The following ANKFN1 variants were observed in gnomAD, a reference collection of about 807,000 sequenced individuals.
The protein encoded by ANKFN1 is ankyrin repeat and fibronectin type-III domain-containing protein 1.
In ANKFN1, 74 loss-of-function variants were observed where a neutral mutation model predicts 108.7. That is an observed-to-expected ratio of 0.68 (90% CI 0.56 to 0.83). ANKFN1 has a LOEUF of 0.83. ANKFN1 is among the 40% of genes least tolerant of loss of function. The pLI is 0.00. For synonymous variants in ANKFN1, 547 were observed against 516.2 expected (o/e 1.06, Z -0.81); for missense variants, 1,505 against 1,382.3 (o/e 1.09, Z -1.41).
intron 3 of ANKFN1, among the ~76,000 whole-genome samples, chr17:56,292,584 A>G (rs1354276988): frequency 6.6e-6 from 1 of 152,190 alleles, no homozygotes; most frequent in African/African-American, 2.4e-5. Flanking sequence ...TTTCCTCCAT[A>G]TCTTTCTTTT....
intron 3 of ANKFN1, among the ~76,000 whole-genome samples, chr17:56,258,834 C>T (rs555702802): frequency 1.3e-5 from 2 of 152,056 alleles, no homozygotes; most frequent in African/African-American, 4.8e-5. Flanking sequence ...TGGCGTGAAC[C>T]CGGGAGGCGG....
At chr17:56,441,722 C>G (rs2145166359) in intron 9 of ANKFN1, among the ~76,000 whole-genome samples, 1 of 152,302 alleles carries the variant, frequency 6.6e-6, no homozygotes, top group Admixed American at 6.5e-5. Context: ...ACTTGACCAT[C>G]TAATGAAAGA....
At chr17:56,249,444 A>T (rs368168511) in intron 3 of ANKFN1, among the ~76,000 whole-genome samples, 2 of 152,074 alleles carry the variant, frequency 1.3e-5, no homozygotes, top group African/African-American at 4.8e-5. Flanking sequence ...AAAAAAATAA[A>T]AAAAAAAAAG....
intron 4 of ANKFN1, among the ~76,000 whole-genome samples, chr17:56,130,102 G>A (rs1245137771): frequency 2.0e-5 from 3 of 152,140 alleles, no homozygotes; most frequent in African/African-American, 4.8e-5. Flanking sequence ...TTGCTAATTC[G>A]AACAAGGCTT....
intron 8 of ANKFN1, among the ~76,000 whole-genome samples, chr17:56,411,559 T>G (rs1454987669): frequency 1.3e-5 from 2 of 152,240 alleles, no homozygotes; most frequent in African/African-American, 2.4e-5. Context: ...CATCCTTTAC[T>G]TGTTCCTGAT....
Position 56,326,332 on chromosome 17 carries a change from T to G in ANKFN1, c.165T>G (p.Ser55=). Residue 55 remains serine (S), a synonymous_variant, in exon 4 of 21, where the codon TCT becomes TCG. Transcript: ENST00000682825. ...STGQLPTTCS[S]AASNSINWNC... ...GACAATTACCAACAACTTGTTCCTCTGCTGCCTCGAACAGCATAAACTGGT... is the reference window on the plus strand; with the variant it reads ...GACAATTACCAACAACTTGTTCCTCGGCTGCCTCGAACAGCATAAACTGGT... 6.2e-7 allele frequency: 1 copy of G among 1,613,670 alleles called. No homozygotes were observed. The highest frequency in any genetic ancestry group is 8.5e-7 in the Non-Finnish European group (1 of 1,179,758).
chr17:56,121,883 G>A (rs1297946545), intron 4 of ANKFN1, among the ~76,000 whole-genome samples: 3 of 152,186 alleles, frequency 2.0e-5, no homozygotes, highest in Non-Finnish European at 4.4e-5. Flanking sequence ...TGAAGCCTTT[G>A]GTTTCTGGAT....
intron 1 of ANKFN1, among the ~76,000 whole-genome samples, chr17:56,178,366 C>A (rs1911369156): frequency 6.6e-6 from 1 of 152,134 alleles, no homozygotes; most frequent in African/African-American, 2.4e-5. Context: ...GTAAAGTTCC[C>A]AATATAATTT....
intron 1 of ANKFN1, among the ~76,000 whole-genome samples, chr17:56,203,855 G>A (rs1598231112): frequency 6.6e-6 from 1 of 152,060 alleles, no homozygotes; most frequent in Non-Finnish European, 1.5e-5. Context: ...CTAGCCCGGG[G>A]CATCTATTTT....
chr17:56,400,114 C>A (rs2047716382), intron 8 of ANKFN1, among the ~76,000 whole-genome samples: 1 of 151,894 alleles, frequency 6.6e-6, no homozygotes, highest in Non-Finnish European at 1.5e-5. Context: ...AGTGGGATTG[C>A]TGGATCAAAT....
chr17:56,205,404 CAAATATTTATTTACAT>C (rs1567836585), intron 1 of ANKFN1, among the ~76,000 whole-genome samples: 4 of 152,160 alleles, frequency 2.6e-5, no homozygotes, highest in Admixed American at 1.3e-4. Flanking sequence ...AAAGTTGATG[CAAATATTTATTTACAT>C]ATCATCTGTT....
At chr17:56,497,618 G>A (rs1215136748) in intron 19 of ANKFN1, among the ~76,000 whole-genome samples, 1 of 152,140 alleles carries the variant, frequency 6.6e-6, no homozygotes, top group African/African-American at 2.4e-5. Context: ...ACTGGGTAGT[G>A]TTTTAGTTTT....
In ANKFN1 at chr17:56,097,894, G is replaced by A. The variant is rs144259257; in HGVS notation, c.288+51569G>A. Among the ~76,000 whole-genome samples, 519 of 152,170 alleles carry A rather than the reference G, an allele frequency of 3.4e-3. 3 individuals carry two copies. Among genetic ancestry groups the A allele is most frequent in the African/African-American group, 0.012 (488 of 41,512 alleles). ...TTGGGTAATATTATTTCTCATATTC[G>A]GGGGACTCAATGGTAGCCCTCCAAA... On this transcript the variant is annotated intron_variant, in intron 4 of 12. Transcript: ENST00000635860.
intron 4 of ANKFN1, among the ~76,000 whole-genome samples, chr17:56,126,963 A>G (rs753665569): frequency 7.9e-5 from 12 of 152,252 alleles, no homozygotes; most frequent in Non-Finnish European, 1.8e-4. Context: ...GCTTTGCACA[A>G]TGCCTTGGCA....
At chr17:56,097,990 G>A (rs573534549) in intron 4 of ANKFN1, among the ~76,000 whole-genome samples, 7 of 152,272 alleles carry the variant, frequency 4.6e-5, no homozygotes, top group African/African-American at 1.7e-4. Flanking sequence ...ATTTAGTTAA[G>A]GATCTTGAAA....
In ANKFN1 at chr17:56,321,485, G is replaced by GA. The variant is rs199554752; in HGVS notation, c.54-4728dup. Reference sequence around the variant, plus strand: ...AGAAAAAAAAAAAAAAATCTTCGCTGAAAAAAAAGTGAAAAATTGTTAGAA... The same window carrying GA: ...AGAAAAAAAAAAAAAAATCTTCGCTGAAAAAAAAAGTGAAAAATTGTTAGAA... On this transcript the variant is annotated intron_variant, in intron 3 of 20. Coordinates refer to ENST00000682825, the MANE Select transcript of ANKFN1 (RefSeq NM_001370326.1). Among the ~76,000 whole-genome samples the GA allele has an allele frequency of 9.1e-3, 1,367 of 150,342 alleles. 5 individuals are homozygous for GA. The highest frequency in any genetic ancestry group is 0.017 in the Middle Eastern group (5 of 292).
At chr17:56,388,928 T>C (rs1240523431) in intron 8 of ANKFN1, among the ~76,000 whole-genome samples, 1 of 152,032 alleles carries the variant, frequency 6.6e-6, no homozygotes, top group East Asian at 1.9e-4. Flanking sequence ...TGGCAAGGAT[T>C]TGGAGAAACT....
chr17:56,261,041 A>T (rs193189028), intron 3 of ANKFN1, among the ~76,000 whole-genome samples: 10 of 152,302 alleles, frequency 6.6e-5, no homozygotes, highest in Non-Finnish European at 1.3e-4. Flanking sequence ...TGCATCTTGC[A>T]TTTGCTTTTT....
At chr17:56,113,930 A>G (rs1906117883) in intron 4 of ANKFN1, among the ~76,000 whole-genome samples, 1 of 152,172 alleles carries the variant, frequency 6.6e-6, no homozygotes, top group Admixed American at 6.5e-5. Flanking sequence ...ATGATTAATT[A>G]TCTTCTAATT....
Sources: allele counts gnomAD v4.1 joint callset (sites outside exome capture counted in the v4.1 genomes callset), GRCh38; gene constraint gnomAD v4.1.1; transcripts MANE v1.5; gene names NCBI Gene and HGNC (gene_info 2026-07-23, HGNC 2026-07-21).